TGM6: variants seen among roughly 807,000 people sequenced by gnomAD.
The protein encoded by TGM6 is transglutaminase 6, also known as protein-glutamine gamma-glutamyltransferase 6.
TGM6 carries 74 observed loss-of-function variants against 77.5 expected under a neutral mutation model. The ratio of observed to expected loss-of-function variants is 0.96; its 90% CI spans 0.79 to 1.16. TGM6 has a LOEUF of 1.16. Ranked by LOEUF, TGM6 falls within the 50% of genes most tolerant of loss-of-function variation. TGM6 has a pLI of 0.00. For synonymous variants in TGM6, 383 were observed against 378.9 expected (o/e 1.01, Z -0.12); for missense variants, 968 against 940.2 (o/e 1.03, Z -0.39).
At chr20:2,404,354 AACTATAT>A (rs2084735512) in intron 9 of TGM6, among the ~76,000 whole-genome samples, 1 of 152,164 alleles carries the variant, frequency 6.6e-6, no homozygotes, top group Admixed American at 6.5e-5. Flanking sequence ...AGCTGTTTCC[AACTATAT>A]ACTTTAAAAA....
At chr20:2,398,401 C>T (rs913000588) in intron 5 of TGM6, among the ~76,000 whole-genome samples, 1 of 152,118 alleles carries the variant, frequency 6.6e-6, no homozygotes, top group Admixed American at 6.5e-5. Context: ...TCTCCTGGAA[C>T]TGGAATGTCC....
At chr20:2,392,742 A>G (rs2084637165) in intron 1 of TGM6, among the ~76,000 whole-genome samples, 1 of 152,162 alleles carries the variant, frequency 6.6e-6, no homozygotes, top group African/African-American at 2.4e-5. Flanking sequence ...TCTCTACCAA[A>G]AATACAAAAA....
intron 6 of TGM6, 146 bp from the exon 7 acceptor site, chr20:2,400,160 C>T (rs1292310038): frequency 3.7e-5 from 43 of 1,167,970 alleles, no homozygotes; most frequent in Non-Finnish European, 5.3e-5. Flanking sequence ...GAGTCTCAGC[C>T]CCACAACCTG....
chr20:2,403,937 G>A, intron 9 of TGM6, 114 bp downstream of exon 9: 1 of 1,550,542 alleles, frequency 6.4e-7, no homozygotes, highest in Admixed American at 1.7e-5. Context: ...GACGCTGACA[G>A]CAGCTTCCAT....
At chr20:2,396,767 A>G (rs2084671566) in intron 4 of TGM6, 143 bp downstream of exon 4, 7 of 779,950 alleles carry the variant, frequency 9.0e-6, no homozygotes, top group South Asian at 1.6e-5. Flanking sequence ...TCATTCATTC[A>G]TCTACTATTC....
intron 10 of TGM6, among the ~76,000 whole-genome samples, chr20:2,418,983 A>T (rs546481517): frequency 1.4e-4 from 22 of 152,340 alleles, no homozygotes; most frequent in Non-Finnish European, 2.4e-4. Context: ...AGGCTGAGGC[A>T]GGAGACTCAC....
intron 7 of TGM6, among the ~76,000 whole-genome samples, chr20:2,401,687 A>C (rs1242939266): frequency 6.6e-6 from 1 of 152,196 alleles, no homozygotes; most frequent in Admixed American, 6.5e-5. Flanking sequence ...CAGATGAGGA[A>C]ACTGAAGCAC....
intron 9 of TGM6, among the ~76,000 whole-genome samples, chr20:2,410,684 G>C (rs1035803601): frequency 6.6e-6 from 1 of 152,052 alleles, no homozygotes; most frequent in Non-Finnish European, 1.5e-5. Flanking sequence ...GCTACTGTTA[G>C]AATTGAATTG....
At chr20:2,413,316 G>A (rs2084795717) in intron 9 of TGM6, among the ~76,000 whole-genome samples, 1 of 152,108 alleles carries the variant, frequency 6.6e-6, no homozygotes, top group Admixed American at 6.6e-5. Context: ...GGCTGAGGTG[G>A]GAGAATTGCT....
chr20:2,416,237 AACAAACAG>A (rs2084816004), intron 9 of TGM6, among the ~76,000 whole-genome samples: 1 of 152,198 alleles, frequency 6.6e-6, no homozygotes, highest in Non-Finnish European at 1.5e-5. Context: ...CTGTCTCAAA[AACAAACAG>A]ACAAACAAAA....
chr20:2,408,952 A>G (rs1470110476), intron 9 of TGM6, among the ~76,000 whole-genome samples: 1 of 152,114 alleles, frequency 6.6e-6, no homozygotes, highest in Admixed American at 6.5e-5. Flanking sequence ...GAGGAAGCGA[A>G]CATTTGTCAT....
chr20:2,387,395 G>C lies in TGM6; in HGVS notation c.7+6420G>C, dbSNP rs910807783. ...CTGTTGTTCCAGCTCGTGCCACATG[G>C]GGTCACTGTTGAACACTGGTCCTGC... On this transcript the variant is annotated intron_variant, in intron 1 of 12. Coordinates refer to ENST00000202625, the MANE Select transcript of TGM6 (RefSeq NM_198994.3). Among the ~76,000 whole-genome samples the C allele has an allele frequency of 2.0e-5, 3 of 152,280 alleles. No individual in the cohort carries two copies. The East Asian group carries it at 5.8e-4, about 29-fold the overall frequency.
chr20:2,396,678 G>A, intron 4 of TGM6, 54 bp downstream of exon 4: 1 of 1,556,034 alleles, frequency 6.4e-7, no homozygotes, highest in African/African-American at 1.4e-5. Flanking sequence ...GGGGAGGTCG[G>A]TGGGACTGGA....
chr20:2,417,155 A>C (rs1410893332), intron 9 of TGM6, 77 bp from the exon 10 acceptor site: 1 of 1,375,020 alleles, frequency 7.3e-7, no homozygotes, highest in East Asian at 2.5e-5. Context: ...TTGAACTGCC[A>C]GTTTGACTTC....
At chr20:2,401,992 CT>C (rs2084713429) in intron 7 of TGM6, among the ~76,000 whole-genome samples, 1 of 152,164 alleles carries the variant, frequency 6.6e-6, no homozygotes, top group African/African-American at 2.4e-5. Context: ...AATCCCAACA[CT>C]TTGGGAGGCC....
chr20:2,426,525 G>T, intron 10 of TGM6, among the ~76,000 whole-genome samples: 1 of 151,952 alleles, frequency 6.6e-6, no homozygotes. Flanking sequence ...TTATCTTATT[G>T]CATTAGCAAA....
chr20:2,416,573 G>A (rs1228435238), intron 9 of TGM6, among the ~76,000 whole-genome samples: 1 of 152,166 alleles, frequency 6.6e-6, no homozygotes, highest in Non-Finnish European at 1.5e-5. Context: ...GAAAAGGGTG[G>A]TAACTTCCAG....
At position 2,403,859 on chromosome 20, in the gene TGM6, C is replaced by A. The variant is rs558070858; in HGVS notation, c.1336+36C>A. On this transcript the variant is annotated intron_variant, in intron 9 of 12. Coordinates refer to ENST00000202625, the MANE Select transcript of TGM6 (RefSeq NM_198994.3). ...CATGGCGGCCTTTATTACCTTCCCC[C>A]GGATGGCCCATCAGCTGCAGAGGGC... 3.1e-5 allele frequency: 50 copies of A among 1,613,614 alleles called. No homozygotes were observed. In the East Asian group the frequency reaches 8.2e-4, roughly 27 times the overall value.
chr20:2,393,024 G>T (rs898523747), intron 1 of TGM6, among the ~76,000 whole-genome samples: 1 of 152,220 alleles, frequency 6.6e-6, no homozygotes, highest in Admixed American at 6.5e-5. Context: ...CATGCATTGA[G>T]GGCAAGCCCA....
Sources: gnomAD v4.1 joint callset for allele counts (sites outside exome capture counted in the v4.1 genomes callset) on GRCh38, gnomAD v4.1.1 for gene constraint, MANE v1.5 for transcripts, NCBI Gene and HGNC (gene_info 2026-07-23, HGNC 2026-07-21) for gene names.